The following UNC13C variants were observed in gnomAD, a reference collection of about 807,000 sequenced individuals.
UNC13C encodes the protein protein unc-13 homolog C.
A neutral mutation model predicts 245.4 loss-of-function variants in UNC13C; 174 were observed. That is an observed-to-expected ratio of 0.71 (90% confidence interval 0.63 to 0.80). UNC13C has a LOEUF of 0.80. Among genes scored for constraint, UNC13C ranks in the 30% least tolerant of loss-of-function variants. UNC13C has a pLI of 0.00. For synonymous variants in UNC13C, 992 were observed against 895.1 expected (o/e 1.11, Z -1.93); for missense variants, 2,829 against 2,602.9 (o/e 1.09, Z -1.89).
intron 4 of UNC13C, among the ~76,000 whole-genome samples, chr15:54,197,180 T>C (rs2034380876): frequency 2.0e-5 from 3 of 152,156 alleles, no homozygotes; most frequent in Admixed American, 2.0e-4. Flanking sequence ...ATTATTAGTT[T>C]TAATAAGTAC....
At chr15:54,603,689 C>T (rs977588491) in intron 30 of UNC13C, among the ~76,000 whole-genome samples, 1 of 152,034 alleles carries the variant, frequency 6.6e-6, no homozygotes, top group Non-Finnish European at 1.5e-5. Flanking sequence ...TGGTGAAACC[C>T]CCATCTCTAC....
At chr15:53,926,496 C>T in the UNC13C span, among the ~76,000 whole-genome samples, 25 of 152,214 alleles carry the variant, frequency 1.6e-4, no homozygotes, top group Admixed American at 1.6e-3. Flanking sequence ...AAGGAAAACA[C>T]GTAGAGGATA....
At chr15:54,101,880 G>A (rs565281690) in intron 2 of UNC13C, among the ~76,000 whole-genome samples, 76 of 151,784 alleles carry the variant, frequency 5.0e-4, no homozygotes, top group African/African-American at 1.8e-3. Flanking sequence ...CACCGTGCCC[G>A]GCCATCCTCC....
chr15:54,141,648 A>G (rs1397370131), intron 2 of UNC13C, among the ~76,000 whole-genome samples: 1 of 152,078 alleles, frequency 6.6e-6, no homozygotes, highest in African/African-American at 2.4e-5. Flanking sequence ...TCATATCATT[A>G]TTTTAAATGA....
intron 17 of UNC13C, among the ~76,000 whole-genome samples, chr15:54,344,461 T>C (rs1681920976): frequency 6.6e-6 from 1 of 152,212 alleles, no homozygotes; most frequent in Non-Finnish European, 1.5e-5. Flanking sequence ...TTTAGGTAGA[T>C]AGATCTTAGA....
intron 19 of UNC13C, among the ~76,000 whole-genome samples, chr15:54,490,896 G>T (rs549403320): frequency 6.6e-6 from 1 of 152,076 alleles, no homozygotes; most frequent in East Asian, 1.9e-4. Context: ...ACCACTATCG[G>T]CAGATCATTT....
chr15:54,274,436 T>C (rs2036774192), intron 10 of UNC13C, among the ~76,000 whole-genome samples: 1 of 152,164 alleles, frequency 6.6e-6, no homozygotes, highest in Non-Finnish European at 1.5e-5. Context: ...TCACAACTAA[T>C]CATTGTCATT....
chr15:54,338,136 C>T (rs146517995), intron 16 of UNC13C, among the ~76,000 whole-genome samples: 227 of 152,122 alleles, frequency 1.5e-3, no homozygotes, highest in African/African-American at 4.9e-3. Flanking sequence ...TAACTGGTCA[C>T]GTTAAGTGTT....
intron 4 of UNC13C, among the ~76,000 whole-genome samples, chr15:54,217,691 C>T (rs1047414218): frequency 6.6e-6 from 1 of 151,988 alleles, no homozygotes; most frequent in East Asian, 1.9e-4. Flanking sequence ...CCCAAAGATG[C>T]TTTAAGGCAA....
intron 2 of UNC13C, among the ~76,000 whole-genome samples, chr15:54,028,597 C>T (rs1020274692): frequency 4.0e-5 from 6 of 151,076 alleles, no homozygotes; most frequent in Non-Finnish European, 7.4e-5. Flanking sequence ...GTACCCTTGG[C>T]ATTTTTCCCA....
At chr15:53,964,564 T>C in the UNC13C span, among the ~76,000 whole-genome samples, 33,384 of 152,168 alleles carry the variant, frequency 0.22, 4,615 homozygotes, top group Non-Finnish European at 0.3. Context: ...TGGCAAAAAC[T>C]GCAATTACTT....
At chr15:54,405,971 G>A (rs2040283828) in intron 18 of UNC13C, among the ~76,000 whole-genome samples, 1 of 136,676 alleles carries the variant, frequency 7.3e-6, no homozygotes, top group Non-Finnish European at 1.6e-5. Flanking sequence ...TTACAGTAAA[G>A]AGATGCTATG....
chr15:53,977,196 G>C (rs535982666), upstream of UNC13C, among the ~76,000 whole-genome samples: 4 of 152,192 alleles, frequency 2.6e-5, no homozygotes, highest in African/African-American at 9.6e-5. Context: ...GGGGCTGATA[G>C]CTGGGAATGG....
the UNC13C span, among the ~76,000 whole-genome samples, chr15:53,931,613 A>G: frequency 1.3e-5 from 2 of 152,046 alleles, no homozygotes; most frequent in Non-Finnish European, 2.9e-5. Context: ...GCTGATTTAC[A>G]GGGCTCTTGC....
intron 10 of UNC13C, among the ~76,000 whole-genome samples, chr15:54,280,233 A>C (rs2036940387): frequency 6.6e-6 from 1 of 152,142 alleles, no homozygotes; most frequent in South Asian, 2.1e-4. Flanking sequence ...ATATAGGGGA[A>C]TAGTTAAATA....
At chr15:54,017,372 G>A (rs1895708331) in intron 2 of UNC13C, among the ~76,000 whole-genome samples, 1 of 152,058 alleles carries the variant, frequency 6.6e-6, no homozygotes, top group African/African-American at 2.4e-5. Context: ...CCTTGTTACT[G>A]AAATTCATTT....
At chr15:54,415,542 A>G (rs959490373) in intron 19 of UNC13C, among the ~76,000 whole-genome samples, 2 of 152,176 alleles carry the variant, frequency 1.3e-5, no homozygotes, top group African/African-American at 4.8e-5. Flanking sequence ...TAGAAAAGAG[A>G]AATACAGCTC....
chr15:54,262,721 A>T (rs535557263), intron 8 of UNC13C, among the ~76,000 whole-genome samples: 1 of 152,206 alleles, frequency 6.6e-6, no homozygotes, highest in East Asian at 1.9e-4. Context: ...CTCAAAGTTT[A>T]AAATAAAAGA....
intron 6 of UNC13C, 183 bp from the exon 7 acceptor site, chr15:54,237,436 C>T (rs1360777769): frequency 1.9e-5 from 13 of 694,360 alleles, no homozygotes; most frequent in Admixed American, 6.1e-5. Context: ...TGGGATCGTT[C>T]CAGTTTTAAT....
Sources: gnomAD v4.1 joint callset for allele counts (sites outside exome capture counted in the v4.1 genomes callset) on GRCh38, gnomAD v4.1.1 for gene constraint, MANE v1.5 for transcripts, NCBI Gene and HGNC (gene_info 2026-07-23, HGNC 2026-07-21) for gene names.